Variants in PXYLP1 observed in about 807,000 individuals in gnomAD.
The protein encoded by PXYLP1 is acid phosphatase-like 2.
A neutral mutation model predicts 37.9 loss-of-function variants in PXYLP1; 17 were observed. The observed-to-expected ratio is 0.45, with a 90% CI of 0.31 to 0.67. The LOEUF is 0.67. Ranked by LOEUF, PXYLP1 falls within the 30% of genes least tolerant of loss-of-function variation. The pLI is 0.07. For missense variants in PXYLP1, 511 were observed against 612.0 expected, an observed-to-expected ratio of 0.84 and a Z score of 1.74; for synonymous variants, 221 against 232.2, an observed-to-expected ratio of 0.95 and a Z score of 0.44.
At chr3:141,248,606 C>A (rs200776844) in intron 1 of PXYLP1, among the ~76,000 whole-genome samples, 1 of 55,138 alleles carries the variant, frequency 1.8e-5, no homozygotes, top group Non-Finnish European at 3.1e-5. Context: ...TGTATATATA[C>A]ACACGTATAT....
chr3:141,259,095 T>C (rs915954189), intron 1 of PXYLP1, among the ~76,000 whole-genome samples: 2 of 152,210 alleles, frequency 1.3e-5, no homozygotes, highest in African/African-American at 4.8e-5. Flanking sequence ...CTTATTGAGA[T>C]AGGATTCACC....
chr3:141,239,622 A>G (rs1029542170), intron 1 of PXYLP1, among the ~76,000 whole-genome samples: 6 of 152,232 alleles, frequency 3.9e-5, no homozygotes, highest in African/African-American at 9.6e-5. Flanking sequence ...AAGTAATTGC[A>G]GTTGGCTTGG....
chr3:141,262,688 A>G, intron 2 of PXYLP1: 1 of 1,534,754 alleles, frequency 6.5e-7, no homozygotes, highest in Non-Finnish European at 8.7e-7. Context: ...TCGGAAAGAT[A>G]TTAAGATATG....
At chr3:141,279,579 C>T in intron 4 of PXYLP1, 75 bp downstream of exon 4, 8 of 1,566,752 alleles carry the variant, frequency 5.1e-6, no homozygotes, top group Non-Finnish European at 7.0e-6. Flanking sequence ...ACAGGACCTA[C>T]ACTTGGTGAA....
At chr3:141,245,716 G>A (rs758239210) in intron 1 of PXYLP1, among the ~76,000 whole-genome samples, 1 of 152,234 alleles carries the variant, frequency 6.6e-6, no homozygotes, top group Non-Finnish European at 1.5e-5. Flanking sequence ...AGAACCAAAT[G>A]AAAATCAGAA....
chr3:141,282,339 C>T (rs1941973985), intron 4 of PXYLP1, among the ~76,000 whole-genome samples: 1 of 152,172 alleles, frequency 6.6e-6, no homozygotes, highest in South Asian at 2.1e-4. Context: ...TAAGTCTTTG[C>T]TCAAATGTCA....
rs983229075 is a variant in PXYLP1 at position 141,292,006 on chromosome 3, G to A, written c.506-262G>A. 6.6e-6 allele frequency among the ~76,000 whole-genome samples: 1 copy of A among 152,200 alleles called. No individual in the cohort carries two copies. The highest frequency in any genetic ancestry group is 1.5e-5 in the Non-Finnish European group (1 of 68,032). On this transcript the variant is annotated intron_variant, in intron 5 of 5. Transcript: ENST00000286353. This position sits in a 1 kb window ranked among gnomAD's most constrained non-coding sequence, Gnocchi z 4.3. ...CCCCAGGGAAGAGGCCAGTCTGGAG[G>A]CCAAGTGCAAGGCAGATGGTCCAAA...
chr3:141,281,048 A>G (rs991450444), intron 4 of PXYLP1, among the ~76,000 whole-genome samples: 2 of 152,230 alleles, frequency 1.3e-5, no homozygotes, highest in African/African-American at 2.4e-5. Context: ...CATTAAGGTT[A>G]TTAGTTATTT....
Position 141,279,494 on chromosome 3 carries a change from G to A in PXYLP1, c.355G>A (p.Val119Met), listed in dbSNP as rs1027457349. 2 of 1,614,092 alleles carry A rather than the reference G, an allele frequency of 1.2e-6. No homozygotes were observed. Among genetic ancestry groups the A allele is most frequent in the African/African-American group, 2.7e-5 (2 of 74,922 alleles). The change falls in exon 4 of 6, where the codon GTG becomes ATG. Residue 119 changes from valine (V) to methionine (M), a missense_variant. Transcript: ENST00000286353. ...GCGACCAGAAATTGACTGCACTCTG[G>A]TGGCTAACAGGTAAATTGCACTTTT... ...TKRPEIDCTL[V>M]ANRKPYHPKL...
At chr3:141,250,438 A>G (rs1481608750) in intron 1 of PXYLP1, among the ~76,000 whole-genome samples, 1 of 152,232 alleles carries the variant, frequency 6.6e-6, no homozygotes, top group Non-Finnish European at 1.5e-5. Flanking sequence ...GACTCTATTC[A>G]GGTCTCTGCC....
intron 2 of PXYLP1, among the ~76,000 whole-genome samples, chr3:141,277,373 C>A (rs1332212703): frequency 6.6e-6 from 1 of 152,108 alleles, no homozygotes; most frequent in East Asian, 1.9e-4. Flanking sequence ...GAAAGTATGA[C>A]TATACTGTGT....
intron 1 of PXYLP1, among the ~76,000 whole-genome samples, chr3:141,247,985 T>C (rs1940999449): frequency 6.6e-6 from 1 of 151,682 alleles, no homozygotes; most frequent in Non-Finnish European, 1.5e-5. Context: ...TTAGCTGAGC[T>C]GAATCAAAGC....
chr3:141,274,120 G>C, intron 2 of PXYLP1: 1 of 998,590 alleles, frequency 1.0e-6, no homozygotes, highest in Non-Finnish European at 1.2e-6. Context: ...GGCAAAGCCT[G>C]CTGGGAGGAG....
chr3:141,243,485 G>T (rs748842920), intron 1 of PXYLP1, among the ~76,000 whole-genome samples: 1 of 152,218 alleles, frequency 6.6e-6, no homozygotes, highest in Non-Finnish European at 1.5e-5. Context: ...CCACGGTACG[G>T]TGACATAGGG....
chr3:141,256,023 C>T (rs1941254898), intron 1 of PXYLP1, among the ~76,000 whole-genome samples: 1 of 152,154 alleles, frequency 6.6e-6, no homozygotes, highest in Non-Finnish European at 1.5e-5. Flanking sequence ...GCTGCCTACC[C>T]TGATGGATGG....
chr3:141,260,419 C>T (rs144646584), intron 2 of PXYLP1, among the ~76,000 whole-genome samples, 165 bp downstream of exon 2: 137 of 152,352 alleles, frequency 9.0e-4, no homozygotes, highest in African/African-American at 3.2e-3. Flanking sequence ...TCCTAAACCA[C>T]CGAGCAGTGT....
At chr3:141,254,789 T>A (rs1226632745) in intron 1 of PXYLP1, among the ~76,000 whole-genome samples, 1 of 152,168 alleles carries the variant, frequency 6.6e-6, no homozygotes, top group Non-Finnish European at 1.5e-5. Context: ...GTAGAATACA[T>A]CTGAAGCATT....
intron 2 of PXYLP1, among the ~76,000 whole-genome samples, chr3:141,271,430 G>A (rs963278233): frequency 2.0e-5 from 3 of 152,180 alleles, no homozygotes; most frequent in African/African-American, 7.2e-5. Flanking sequence ...CCCAAAAAGG[G>A]CAAGGCAGAC....
chr3:141,256,411 T>C (rs2148736323), intron 1 of PXYLP1, among the ~76,000 whole-genome samples: 1 of 152,260 alleles, frequency 6.6e-6, no homozygotes, highest in South Asian at 2.1e-4. Flanking sequence ...TACACCACAT[T>C]AGGGCTCCTT....
Sources: gnomAD v4.1 joint callset for allele counts (sites outside exome capture counted in the v4.1 genomes callset) on GRCh38, gnomAD v4.1.1 for gene constraint, Gnocchi (gnomAD v3.1) non-coding constraint, MANE v1.5 for transcripts, NCBI Gene and HGNC (gene_info 2026-07-23, HGNC 2026-07-21) for gene names.